Variants in HHAT observed in about 807,000 individuals in gnomAD.
HHAT encodes protein-cysteine N-palmitoyltransferase HHAT.
HHAT carries 47 observed loss-of-function variants against 70.8 expected under a neutral mutation model. The ratio of observed to expected loss-of-function variants is 0.66; its 90% confidence interval spans 0.53 to 0.85. The LOEUF is 0.85. Among genes scored for constraint, HHAT ranks in the 40% least tolerant of loss-of-function variants. The probability of loss-of-function intolerance (pLI) is 0.00; values close to 1 mark genes in which losing one functional copy is unlikely to be tolerated. For synonymous variants in HHAT, 228 were observed against 247.6 expected, an observed-to-expected ratio of 0.92 and a Z score of 0.74; for missense variants, 609 against 604.8, an observed-to-expected ratio of 1.01 and a Z score of -0.07.
intron 11 of HHAT, among the ~76,000 whole-genome samples, chr1:210,638,657 G>T (rs1042789943): frequency 7.4e-6 from 1 of 135,856 alleles, no homozygotes; most frequent in Non-Finnish European, 1.5e-5. Flanking sequence ...GAGACAGGAA[G>T]ATCACTTCCC....
At chr1:210,369,298 ATAAG>A (rs1469613158) in intron 3 of HHAT, among the ~76,000 whole-genome samples, 2 of 152,234 alleles carry the variant, frequency 1.3e-5, no homozygotes, top group African/African-American at 4.8e-5. Context: ...AGACCTCTAA[ATAAG>A]CTGTTCTTTC....
At chr1:210,559,716 G>A (rs947679103) in intron 9 of HHAT, among the ~76,000 whole-genome samples, 1 of 152,186 alleles carries the variant, frequency 6.6e-6, no homozygotes, top group Non-Finnish European at 1.5e-5. Flanking sequence ...GGATTTTATT[G>A]TGACAATATG....
At chr1:210,520,915 G>A (rs535371875) in intron 9 of HHAT, among the ~76,000 whole-genome samples, 1 of 152,140 alleles carries the variant, frequency 6.6e-6, no homozygotes, top group South Asian at 2.1e-4. Flanking sequence ...TTTGTCCTAA[G>A]GAGAATGTCT....
intron 7 of HHAT, among the ~76,000 whole-genome samples, chr1:210,450,934 A>G (rs2093742377): frequency 6.6e-6 from 1 of 151,904 alleles, no homozygotes. Flanking sequence ...TACAAAAACA[A>G]AAATTAGCCG....
chr1:210,653,173 T>C (rs1383621692), intron 11 of HHAT, among the ~76,000 whole-genome samples: 1 of 152,118 alleles, frequency 6.6e-6, no homozygotes, highest in African/African-American at 2.4e-5. Context: ...ATTCCCAAGA[T>C]ATAGAACCTT....
intron 7 of HHAT, among the ~76,000 whole-genome samples, chr1:210,423,645 C>A (rs572585574): frequency 6.6e-6 from 1 of 152,232 alleles, no homozygotes; most frequent in East Asian, 1.9e-4. Flanking sequence ...AATGTCCTGA[C>A]GGATTCTCCT....
At chr1:210,459,495 G>C (rs115397197) in intron 7 of HHAT, among the ~76,000 whole-genome samples, 1 of 152,138 alleles carries the variant, frequency 6.6e-6, no homozygotes, top group Non-Finnish European at 1.5e-5. Flanking sequence ...GTGTACAACT[G>C]TGGTCTGATA....
At chr1:210,462,925 C>T (rs2094009212) in intron 7 of HHAT, 1 of 152,174 alleles carries the variant, frequency 6.6e-6, no homozygotes, top group African/African-American at 2.4e-5. Flanking sequence ...TTCAGAATAT[C>T]CCAGAAGATA....
chr1:210,464,636 A>G lies in HHAT; in HGVS notation c.988A>G (p.Ser330Gly), dbSNP rs1319305222. The change falls in exon 8 of 12, where the codon AGT (serine) becomes GGT (glycine). Residue 330 changes from serine to glycine, a missense_variant. Coordinates refer to ENST00000261458, the MANE Select transcript of HHAT (RefSeq NM_018194.6). ...CCCCCGCTGCGTGAGCACCATGTTCAGTTTCACCGGGATGTGGAGGTCAGG... is the reference window on the plus strand; with the variant it reads ...CCCCCGCTGCGTGAGCACCATGTTCGGTTTCACCGGGATGTGGAGGTCAGG... ...ALPRCVSTMF[S>G]FTGMWRYFDV... 4.3e-6 allele frequency: 7 copies of G among 1,614,138 alleles called. No individual in the cohort carries two copies. Among genetic ancestry groups the G allele is most frequent in the South Asian group, 1.1e-5 (1 of 91,090 alleles).
chr1:210,344,693 G>A (rs569422442), intron 1 of HHAT, among the ~76,000 whole-genome samples: 152 of 152,164 alleles, frequency 1.0e-3, no homozygotes, highest in Non-Finnish European at 1.8e-3. Context: ...TGGGGCCACT[G>A]TTATCTGCTT....
intron 7 of HHAT, among the ~76,000 whole-genome samples, chr1:210,444,902 C>T (rs149877531): frequency 8.5e-5 from 13 of 152,272 alleles, no homozygotes; most frequent in African/African-American, 1.4e-4. Flanking sequence ...TGCAGTGGCA[C>T]GATCTCGGCT....
At chr1:210,504,887 G>A (rs554465153) in intron 8 of HHAT, among the ~76,000 whole-genome samples, 45 of 150,262 alleles carry the variant, frequency 3.0e-4, no homozygotes, top group African/African-American at 1.0e-3. Flanking sequence ...TATGTTCCCG[G>A]CGTAGCTTTT....
At chr1:210,445,931 T>TA (rs1381070186) in intron 7 of HHAT, among the ~76,000 whole-genome samples, 1 of 152,184 alleles carries the variant, frequency 6.6e-6, no homozygotes, top group African/African-American at 2.4e-5. Context: ...ACGTGCAGGT[T>TA]AGTTACATAT....
intron 9 of HHAT, among the ~76,000 whole-genome samples, chr1:210,552,264 C>G (rs2095533722): frequency 6.6e-6 from 1 of 152,188 alleles, no homozygotes. Flanking sequence ...ACTCACACAA[C>G]TTTCAGAGGG....
chr1:210,614,853 G>A lies in HHAT; in HGVS notation c.1246-8673G>A, dbSNP rs12035972. On this transcript the variant is annotated intron_variant, in intron 10 of 11. Transcript: ENST00000261458. ...TGGTTCCAAGTCTTTGCTATTGTGA[G>A]TAGTGCCGCAATAAACATACGTGTG... Among the ~76,000 whole-genome samples the A allele has an allele frequency of 0.018, 2,784 of 152,200 alleles. 241 individuals carry two copies. The East Asian group carries it at 0.3, about 16-fold the overall frequency.
rs1681014621 is a variant in HHAT, at chr1:210,676,006, AG to A, written c.*1630del. On this transcript the variant is annotated 3_prime_UTR_variant, in exon 12 of 12. Transcript: ENST00000261458. ...TGATTGAGGATTTGTGGGCAGCCAG[AG>A]GGAGTCTGACTGAAGTTTACTTGGA... The A allele has an allele frequency of 6.6e-6, 1 of 152,220 alleles. No homozygotes were observed. The allele number at this position is 152,220 out of a possible 1,614,324, so 9.4% of individuals were successfully genotyped here. A position where few individuals can be genotyped will look rare whatever the true frequency, so the allele number is the denominator to read the frequency against.
chr1:210,349,755 A>G (rs1289892226), intron 2 of HHAT, among the ~76,000 whole-genome samples: 5 of 151,678 alleles, frequency 3.3e-5, no homozygotes, highest in Admixed American at 2.6e-4. Flanking sequence ...GATTCAAGCA[A>G]TTGTCCTACC....
At chr1:210,586,096 A>G (rs2148781836) in intron 9 of HHAT, among the ~76,000 whole-genome samples, 1 of 152,258 alleles carries the variant, frequency 6.6e-6, no homozygotes, top group African/African-American at 2.4e-5. Flanking sequence ...AGAGTCTTTT[A>G]AAAGATTTAT....
chr1:210,405,251 G>A (rs762574634), intron 6 of HHAT, among the ~76,000 whole-genome samples: 8 of 151,842 alleles, frequency 5.3e-5, no homozygotes, highest in Non-Finnish European at 8.8e-5. Context: ...TGCCTTCCTC[G>A]GACGGCATCC....
Sources: gnomAD v4.1 joint callset for allele counts (sites outside exome capture counted in the v4.1 genomes callset) on GRCh38, gnomAD v4.1.1 for gene constraint, MANE v1.5 for transcripts, NCBI Gene and HGNC (gene_info 2026-07-23, HGNC 2026-07-21) for gene names.